CCSER1: variants seen among roughly 807,000 people sequenced by gnomAD.
CCSER1 encodes the protein coiled-coil serine rich protein 1.
Under a neutral mutation model 82.0 loss-of-function variants are expected in CCSER1, and 41 were observed. That is an observed-to-expected ratio of 0.50 (90% CI 0.39 to 0.65). The LOEUF is 0.65. CCSER1 is among the 30% of genes least tolerant of loss of function. The probability of loss-of-function intolerance (pLI) is 0.00; values close to 1 mark genes in which losing one functional copy is unlikely to be tolerated. For missense variants in CCSER1, 1,119 were observed against 1,064.2 expected, an observed-to-expected ratio of 1.05 and a Z score of -0.72; for synonymous variants, 414 against 383.9, an observed-to-expected ratio of 1.08 and a Z score of -0.92.
rs70963065 is a variant in CCSER1 at position 90,391,504 on chromosome 4, A to AATATATATATAT, written c.1510-8516_1510-8505dup. ...TATATATACACACACACAGTGGGTAAATATATATATATATATATATATATA... is the reference window on the plus strand; with the variant it reads ...TATATATACACACACACAGTGGGTAAATATATATATATATATATATATATATATATATATATA... On this transcript the variant is annotated intron_variant, in intron 3 of 10. Coordinates refer to ENST00000509176, the MANE Select transcript of CCSER1 (RefSeq NM_001145065.2). Among the ~76,000 whole-genome samples the AATATATATATAT allele has an allele frequency of 9.6e-3, 761 of 79,378 alleles. 23 individuals carry two copies. Among genetic ancestry groups the AATATATATATAT allele is most frequent in the East Asian group, 0.048 (102 of 2,130 alleles). The allele number at this position is 79,378 out of a possible 152,430, so 52.1% of individuals were successfully genotyped here. A position where few individuals can be genotyped will look rare whatever the true frequency, so the allele number is the denominator to read the frequency against.
At chr4:91,083,248 C>A (rs1722988576) in intron 9 of CCSER1, among the ~76,000 whole-genome samples, 1 of 152,108 alleles carries the variant, frequency 6.6e-6, no homozygotes, top group African/African-American at 2.4e-5. Context: ...ATGATGAGTT[C>A]ATGTCCTTTA....
chr4:90,375,369 A>G (rs1748138175), intron 3 of CCSER1, among the ~76,000 whole-genome samples: 1 of 152,174 alleles, frequency 6.6e-6, no homozygotes, highest in Non-Finnish European at 1.5e-5. Context: ...ATGACTGGAA[A>G]AAAAGTAAAA....
chr4:90,205,311 A>G (rs1473032959), intron 1 of CCSER1, among the ~76,000 whole-genome samples: 1 of 152,096 alleles, frequency 6.6e-6, no homozygotes, highest in Non-Finnish European at 1.5e-5. Flanking sequence ...CCCATTCAGT[A>G]TGATATTGGC....
chr4:90,145,523 A>G (rs764772758), intron 1 of CCSER1, among the ~76,000 whole-genome samples: 3 of 152,102 alleles, frequency 2.0e-5, no homozygotes, highest in Non-Finnish European at 4.4e-5. Context: ...ACCGTATTTA[A>G]CATTTCAATA....
At chr4:91,120,696 A>G (rs1727009381) in intron 10 of CCSER1, among the ~76,000 whole-genome samples, 1 of 151,962 alleles carries the variant, frequency 6.6e-6, no homozygotes, top group Non-Finnish European at 1.5e-5. Flanking sequence ...GACAGAGGGT[A>G]GTTGAATCCA....
intron 3 of CCSER1, among the ~76,000 whole-genome samples, chr4:90,319,885 A>G (rs1736824743): frequency 6.6e-6 from 1 of 152,330 alleles, no homozygotes; most frequent in African/African-American, 2.4e-5. Context: ...GAGCCATATG[A>G]ATCATTCTCC....
chr4:90,893,790 T>G (rs1009939471), intron 8 of CCSER1, among the ~76,000 whole-genome samples: 39 of 127,022 alleles, frequency 3.1e-4, no homozygotes, highest in African/African-American at 9.6e-4. Flanking sequence ...TGTGTGTGTG[T>G]GTGGGGGGTG....
chr4:90,154,229 T>G (rs372469041), intron 1 of CCSER1, among the ~76,000 whole-genome samples: 1 of 152,362 alleles, frequency 6.6e-6, no homozygotes, highest in Admixed American at 6.5e-5. Flanking sequence ...TTCTGTTCCA[T>G]TGATCTATAT....
chr4:90,980,904 T>C (rs1360229644), intron 9 of CCSER1, among the ~76,000 whole-genome samples: 1 of 151,814 alleles, frequency 6.6e-6, no homozygotes, highest in Non-Finnish European at 1.5e-5. Context: ...TTATCTAGAA[T>C]TTCCGGTAGC....
At chr4:91,181,735 T>G (rs986398071) in intron 10 of CCSER1, among the ~76,000 whole-genome samples, 1 of 152,214 alleles carries the variant, frequency 6.6e-6, no homozygotes, top group African/African-American at 2.4e-5. Flanking sequence ...TGTTCTGCAA[T>G]GCGATCTTCC....
intron 9 of CCSER1, among the ~76,000 whole-genome samples, chr4:91,051,168 A>G (rs1329990423): frequency 6.6e-6 from 1 of 152,214 alleles, no homozygotes; most frequent in Non-Finnish European, 1.5e-5. Flanking sequence ...CAGAGCACAG[A>G]GGGTTAATAC....
At chr4:90,370,813 T>G (rs1747266959) in intron 3 of CCSER1, among the ~76,000 whole-genome samples, 1 of 152,042 alleles carries the variant, frequency 6.6e-6, no homozygotes, top group African/African-American at 2.4e-5. Context: ...GGTCCTACCG[T>G]TTTTTATTGT....
chr4:90,319,712 T>A (rs922276), intron 3 of CCSER1, among the ~76,000 whole-genome samples: 1 of 152,016 alleles, frequency 6.6e-6, no homozygotes, highest in African/African-American at 2.4e-5. Context: ...CTTGAAATCC[T>A]TAATGAGACT....
chr4:91,109,489 TAAAAA>T (rs564833895), intron 10 of CCSER1, among the ~76,000 whole-genome samples: 167 of 144,922 alleles, frequency 1.2e-3, no homozygotes, highest in African/African-American at 3.8e-3. Flanking sequence ...AGTCCTAAGT[TAAAAA>T]AAAAAAGTGT....
chr4:91,207,742 A>G (rs1397345827), intron 10 of CCSER1, among the ~76,000 whole-genome samples: 2 of 151,914 alleles, frequency 1.3e-5, no homozygotes, highest in African/African-American at 4.8e-5. Flanking sequence ...TTGGGTATAT[A>G]CCCAGTAGTG....
At chr4:91,588,646 T>G (rs1764124589) in intron 10 of CCSER1, among the ~76,000 whole-genome samples, 1 of 151,774 alleles carries the variant, frequency 6.6e-6, no homozygotes, top group African/African-American at 2.4e-5. Flanking sequence ...GTTAGCAGTA[T>G]TCTTTTGATG....
intron 5 of CCSER1, among the ~76,000 whole-genome samples, chr4:90,577,338 A>C (rs187654609): frequency 7.2e-5 from 11 of 152,238 alleles, no homozygotes; most frequent in Admixed American, 5.9e-4. Flanking sequence ...AGAACCTCTT[A>C]TGAGTGAGTG....
intron 6 of CCSER1, among the ~76,000 whole-genome samples, chr4:90,639,873 G>C (rs1233809912): frequency 6.6e-6 from 1 of 152,090 alleles, no homozygotes; most frequent in Admixed American, 6.6e-5. Flanking sequence ...TAGAAATGTA[G>C]ATTGATTATT....
intron 4 of CCSER1, among the ~76,000 whole-genome samples, chr4:90,433,507 T>C (rs2153567950): frequency 6.6e-6 from 1 of 152,214 alleles, no homozygotes; most frequent in East Asian, 1.9e-4. Flanking sequence ...TTCATAATGA[T>C]ACCAAGATAT....
Sources: gnomAD v4.1 joint callset for allele counts (sites outside exome capture counted in the v4.1 genomes callset) on GRCh38, gnomAD v4.1.1 for gene constraint, MANE v1.5 for transcripts, NCBI Gene and HGNC (gene_info 2026-07-23, HGNC 2026-07-21) for gene names.